The following IFT81 variants were observed in gnomAD, a reference collection of about 807,000 sequenced individuals.
The protein encoded by IFT81 is intraflagellar transport 81.
A neutral mutation model predicts 102.6 loss-of-function variants in IFT81; 72 were observed. That is an observed-to-expected ratio of 0.70 (90% CI 0.58 to 0.85). The LOEUF (loss-of-function observed/expected upper bound fraction) is 0.85, where lower values mean the gene tolerates loss of function less well. IFT81 is among the 40% of genes least tolerant of loss of function. The pLI, the probability that IFT81 is intolerant of heterozygous loss-of-function variation, is 0.00. For synonymous variants in IFT81, 237 were observed against 242.7 expected (o/e 0.98, Z 0.22); for missense variants, 723 against 787.3 (o/e 0.92, Z 0.98).
At chr12:110,156,168 A>G (rs1269402812) in intron 10 of IFT81, among the ~76,000 whole-genome samples, 2 of 152,252 alleles carry the variant, frequency 1.3e-5, no homozygotes, top group Admixed American at 6.5e-5. Flanking sequence ...GATATAAACC[A>G]AAATTACAGT....
At chr12:110,147,355 G>A (rs1241960004) in intron 10 of IFT81, among the ~76,000 whole-genome samples, 7 of 152,118 alleles carry the variant, frequency 4.6e-5, no homozygotes. Context: ...ACCTTAGGTG[G>A]TATAAATAAA....
At chr12:110,184,552 G>A (rs751499652) in intron 12 of IFT81, among the ~76,000 whole-genome samples, 12 of 152,242 alleles carry the variant, frequency 7.9e-5, no homozygotes, top group Admixed American at 2.6e-4. Flanking sequence ...ACTGAGATGG[G>A]ATTACATGTA....
intron 7 of IFT81, 28 bp downstream of exon 7, chr12:110,135,465 G>T (rs750010271): frequency 7.6e-7 from 1 of 1,319,418 alleles, no homozygotes; most frequent in Non-Finnish European, 1.1e-6. Flanking sequence ...TATATTCTCA[G>T]TATGAAGGAA....
At chr12:110,173,247 G>A (rs566091581) in intron 11 of IFT81, among the ~76,000 whole-genome samples, 43 of 148,978 alleles carry the variant, frequency 2.9e-4, no homozygotes, top group African/African-American at 9.9e-4. Context: ...CAGCCGCCCC[G>A]TCCGGGAGGT....
intron 9 of IFT81, among the ~76,000 whole-genome samples, chr12:110,146,541 T>C (rs1001831838): frequency 6.6e-6 from 1 of 152,246 alleles, no homozygotes; most frequent in African/African-American, 2.4e-5. Flanking sequence ...TAGACATAGA[T>C]GATTAAATCT....
chr12:110,127,816 A>G (rs575807374), intron 2 of IFT81, among the ~76,000 whole-genome samples: 1 of 152,344 alleles, frequency 6.6e-6, no homozygotes, highest in East Asian at 1.9e-4. Context: ...TCTCTCATAC[A>G]CTGGTCCATT....
At chr12:110,215,175 C>T (rs527382007) in intron 18 of IFT81, among the ~76,000 whole-genome samples, 51 of 152,120 alleles carry the variant, frequency 3.4e-4, no homozygotes, top group African/African-American at 1.2e-3. Context: ...CCAGCATTCT[C>T]ATTTGTGTCT....
At chr12:110,142,867 C>T (rs571156047) in intron 8 of IFT81, among the ~76,000 whole-genome samples, 1 of 152,232 alleles carries the variant, frequency 6.6e-6, no homozygotes, top group South Asian at 2.1e-4. Context: ...AGTGCCACTA[C>T]ACTCTAGCCT....
chr12:110,173,515 ATAG>A (rs1297012922), intron 11 of IFT81, among the ~76,000 whole-genome samples: 2 of 152,260 alleles, frequency 1.3e-5, no homozygotes. Context: ...GTTTTGTGGA[ATAG>A]AAAGCGGGGA....
In IFT81 at chr12:110,132,636, G is replaced by A; in HGVS notation, c.519G>A (p.Lys173=). Residue 173 remains lysine (K), a splice_region_variant and synonymous_variant, in exon 5 of 19, where the codon AAG becomes AAA. Transcript: ENST00000242591. The part of the protein sequence containing the change: ...ISGFSTAEIR[K]DISAMEEEKD... Reference sequence around the variant, plus strand: ...GATTTTCTACAGCAGAAATAAGAAAGGTAAAGGAAAGAAAACATAGTAACA... The same window carrying A: ...GATTTTCTACAGCAGAAATAAGAAAAGTAAAGGAAAGAAAACATAGTAACA... The A allele has an allele frequency of 6.7e-7, 1 of 1,500,504 alleles. No individual in the cohort carries two copies. Among genetic ancestry groups the A allele is most frequent in the Non-Finnish European group, 9.2e-7 (1 of 1,090,822 alleles). 92.9% of individuals were successfully genotyped at this position (1,500,504 alleles called of 1,614,324 possible).
intron 10 of IFT81, 69 bp downstream of exon 10, chr12:110,147,117 C>G: frequency 8.2e-7 from 1 of 1,219,826 alleles, no homozygotes; most frequent in Non-Finnish European, 1.2e-6. Context: ...GCTGTGTTAT[C>G]TATAGTCTTA....
chr12:110,184,814 C>CT (rs529466033), intron 12 of IFT81, among the ~76,000 whole-genome samples: 1 of 152,228 alleles, frequency 6.6e-6, no homozygotes, highest in South Asian at 2.1e-4. Context: ...ACTAGTACTA[C>CT]TGCTGTACTC....
chr12:110,213,041 A>T (rs1336317670), intron 18 of IFT81, among the ~76,000 whole-genome samples: 6 of 151,962 alleles, frequency 3.9e-5, no homozygotes. Context: ...ATCTCATCAC[A>T]TTTCAGTATG....
intron 8 of IFT81, among the ~76,000 whole-genome samples, chr12:110,138,972 A>G (rs1894682391): frequency 6.6e-6 from 1 of 152,174 alleles, no homozygotes; most frequent in Admixed American, 6.5e-5. Context: ...TTAAGAGAGT[A>G]ATTTAAAATT....
At chr12:110,136,682 G>T (rs1188721443) in intron 7 of IFT81, 94 bp from the exon 8 acceptor site, 8 of 601,180 alleles carry the variant, frequency 1.3e-5, no homozygotes, top group Non-Finnish European at 1.9e-5. Context: ...TATATCATAA[G>T]AATTATATGG....
At chr12:110,155,540 G>A (rs1422572801) in intron 10 of IFT81, among the ~76,000 whole-genome samples, 1 of 152,172 alleles carries the variant, frequency 6.6e-6, no homozygotes, top group African/African-American at 2.4e-5. Flanking sequence ...TTGAACTCCT[G>A]ACCTCAGGTG....
intron 12 of IFT81, among the ~76,000 whole-genome samples, chr12:110,188,833 G>A (rs1897668972): frequency 6.6e-6 from 1 of 151,814 alleles, no homozygotes; most frequent in Admixed American, 6.6e-5. Flanking sequence ...GGAGGCTGAG[G>A]CAGGAGAATC....
intron 11 of IFT81, among the ~76,000 whole-genome samples, chr12:110,170,240 AC>A (rs1435961904): frequency 6.6e-6 from 1 of 152,246 alleles, no homozygotes; most frequent in African/African-American, 2.4e-5. Flanking sequence ...GGCGTAAGCC[AC>A]TGTGCCTGGC....
At position 110,170,113 on chromosome 12, in the gene IFT81, C is replaced by T. The variant is rs202133234; in HGVS notation, c.1188+7048C>T. On this transcript the variant is annotated intron_variant, in intron 11 of 18. Transcript: ENST00000242591. ...GACTACAGGTGCCCGCCACCATGCC[C>T]GGCTAATTTTTTTGTATTTTTAGTA... is the stretch of plus-strand genomic sequence containing the variant. 4.5e-4 allele frequency among the ~76,000 whole-genome samples: 69 copies of T among 152,006 alleles called. No homozygotes were observed. The East Asian group carries it at 7.4e-3, about 16-fold the overall frequency.
Sources: allele counts gnomAD v4.1 joint callset (sites outside exome capture counted in the v4.1 genomes callset), GRCh38; gene constraint gnomAD v4.1.1; transcripts MANE v1.5; gene names NCBI Gene and HGNC (gene_info 2026-07-23, HGNC 2026-07-21).